Variants in TRPM3 observed in about 807,000 individuals in gnomAD.
TRPM3 encodes the protein long transient receptor potential channel 3.
A neutral mutation model predicts 181.2 loss-of-function variants in TRPM3; 77 were observed. That is an observed-to-expected ratio of 0.42 (90% confidence interval 0.35 to 0.51). TRPM3 has a LOEUF of 0.51. TRPM3 is among the 20% of genes least tolerant of loss of function. TRPM3 has a pLI of 0.01. For missense variants in TRPM3, 1,759 were observed against 2,196.7 expected, an observed-to-expected ratio of 0.80 and a Z score of 3.98; for synonymous variants, 745 against 796.4, an observed-to-expected ratio of 0.94 and a Z score of 1.09.
At chr9:71,337,172 C>T (rs1256110185) in intron 1 of TRPM3, among the ~76,000 whole-genome samples, 1 of 151,602 alleles carries the variant, frequency 6.6e-6, no homozygotes, top group Non-Finnish European at 1.5e-5. Context: ...AGGCAACCTA[C>T]AGAATGGAAG....
At chr9:70,597,477 C>T (rs984846518) in intron 21 of TRPM3, among the ~76,000 whole-genome samples, 1 of 152,228 alleles carries the variant, frequency 6.6e-6, no homozygotes, top group Non-Finnish European at 1.5e-5. Flanking sequence ...ACTTAGAAAA[C>T]TGGGAGAACT....
At chr9:70,929,588 G>A (rs1564786112) in intron 1 of TRPM3, among the ~76,000 whole-genome samples, 1 of 152,096 alleles carries the variant, frequency 6.6e-6, no homozygotes, top group Non-Finnish European at 1.5e-5. Context: ...GTTCTGGATA[G>A]TCCTTGAGGA....
At chr9:71,057,915 T>C (rs1004642233) in intron 1 of TRPM3, among the ~76,000 whole-genome samples, 1 of 152,110 alleles carries the variant, frequency 6.6e-6, no homozygotes, top group African/African-American at 2.4e-5. Context: ...TTTTAAAATA[T>C]GCATTCAAAT....
chr9:70,759,284 T>C (rs2077658558), intron 8 of TRPM3, among the ~76,000 whole-genome samples: 1 of 152,298 alleles, frequency 6.6e-6, no homozygotes, highest in Admixed American at 6.5e-5. Flanking sequence ...TACAATGAGA[T>C]AGCATCTCAC....
intron 1 of TRPM3, among the ~76,000 whole-genome samples, chr9:71,027,279 C>T (rs1209161427): frequency 6.6e-6 from 1 of 152,284 alleles, no homozygotes; most frequent in East Asian, 1.9e-4. Flanking sequence ...ATCAAACCCC[C>T]AAGGTCATGG....
rs760858090 is a variant in TRPM3 at position 71,387,893 on chromosome 9, ATTATG to A, written c.183+58755_183+58759del. On this transcript the variant is annotated intron_variant, in intron 1 of 24. Transcript: ENST00000357533. ...AGATGCATACGTATATAACTTTTCT[ATTATG>A]TTATAACATACTTTTCTACTCAATC... 5.9e-5 allele frequency among the ~76,000 whole-genome samples: 9 copies of A among 152,174 alleles called. 1 individual carries two copies. The highest frequency in any genetic ancestry group is 1.2e-4 in the Non-Finnish European group (8 of 68,012).
intron 19 of TRPM3, among the ~76,000 whole-genome samples, chr9:70,605,682 A>T (rs1321425888): frequency 6.6e-6 from 1 of 152,182 alleles, no homozygotes; most frequent in Non-Finnish European, 1.5e-5. Flanking sequence ...TGCAAAAAAC[A>T]AAAAAAGGAC....
chr9:71,125,530 T>C (rs1296237584), upstream of TRPM3, among the ~76,000 whole-genome samples: 1 of 152,178 alleles, frequency 6.6e-6, no homozygotes, highest in Admixed American at 6.5e-5. Context: ...CATAATCTCA[T>C]TCTTTTTATG....
At chr9:71,336,555 C>T (rs1336464832) in intron 1 of TRPM3, among the ~76,000 whole-genome samples, 1 of 152,014 alleles carries the variant, frequency 6.6e-6, no homozygotes, top group Non-Finnish European at 1.5e-5. Flanking sequence ...CAGTGCTATC[C>T]CCATAAAGCT....
At chr9:70,698,692 T>G (rs1428267457) in intron 8 of TRPM3, among the ~76,000 whole-genome samples, 1 of 152,118 alleles carries the variant, frequency 6.6e-6, no homozygotes, top group African/African-American at 2.4e-5. Context: ...GGGAGGTGAT[T>G]GGATCGTGGG....
chr9:71,095,810 A>C (rs1320862127), intron 1 of TRPM3, among the ~76,000 whole-genome samples: 1 of 151,356 alleles, frequency 6.6e-6, no homozygotes, highest in Non-Finnish European at 1.5e-5. Context: ...AGAGAAAGAG[A>C]GAGAGACTGA....
At chr9:70,842,338 A>G (rs1045192446) in intron 5 of TRPM3, among the ~76,000 whole-genome samples, 4 of 152,158 alleles carry the variant, frequency 2.6e-5, no homozygotes, top group African/African-American at 7.2e-5. Flanking sequence ...AAAGGGCAGG[A>G]CAGTGAGCCC....
chr9:71,408,030 T>C (rs563888837), intron 1 of TRPM3, among the ~76,000 whole-genome samples: 4 of 152,168 alleles, frequency 2.6e-5, no homozygotes, highest in African/African-American at 9.6e-5. Context: ...GAAGGAAAAC[T>C]AACAAACAGA....
chr9:71,159,105 T>TAGAGAGAGAGAGAGAG (rs140356660), intron 1 of TRPM3, among the ~76,000 whole-genome samples: 7 of 144,180 alleles, frequency 4.9e-5, no homozygotes, highest in African/African-American at 1.8e-4. Flanking sequence ...TATATATATT[T>TAGAGAGAGAGAGAGAG]AGAGAGAGAG....
chr9:70,969,779 T>TATATATATACAC lies in TRPM3; in HGVS notation c.178-105269_178-105268insGTGTATATATAT, dbSNP rs900528837. Among the ~76,000 whole-genome samples, 4 of 139,842 alleles carry TATATATATACAC rather than the reference T, an allele frequency of 2.9e-5. 1 individual carries two copies. Among genetic ancestry groups the TATATATATACAC allele is most frequent in the African/African-American group, 1.0e-4 (4 of 38,536 alleles). 91.7% of individuals were successfully genotyped at this position (139,842 alleles called of 152,430 possible). ...TTTTATATATATATATATATATATATACACACACACACTAAGAAATTATAT... is the reference window on the plus strand; with the variant it reads ...TTTTATATATATATATATATATATATATATATATACACACACACACACACTAAGAAATTATAT... On this transcript the variant is annotated intron_variant, in intron 1 of 25. Transcript: ENST00000677713.
intron 24 of TRPM3, among the ~76,000 whole-genome samples, chr9:70,551,622 G>T (rs1204265868): frequency 6.6e-6 from 1 of 152,120 alleles, no homozygotes; most frequent in Non-Finnish European, 1.5e-5. Flanking sequence ...GATAAGTGAG[G>T]TTCCTCTTCT....
intron 6 of TRPM3, among the ~76,000 whole-genome samples, chr9:70,797,695 G>A (rs772592177): frequency 4.6e-5 from 7 of 152,162 alleles, no homozygotes; most frequent in Admixed American, 6.6e-5. Flanking sequence ...ACCCTTGGAC[G>A]TTCTCTGCCC....
intron 1 of TRPM3, among the ~76,000 whole-genome samples, chr9:70,879,548 T>A (rs1394450880): frequency 6.6e-6 from 1 of 152,090 alleles, no homozygotes; most frequent in East Asian, 1.9e-4. Flanking sequence ...ATTCTCATGA[T>A]GTTCTCTAAC....
At chr9:71,369,611 C>G (rs2092447500) in intron 1 of TRPM3, among the ~76,000 whole-genome samples, 1 of 152,162 alleles carries the variant, frequency 6.6e-6, no homozygotes, top group Non-Finnish European at 1.5e-5. Context: ...TCAAGCGATT[C>G]TCCTGGGCAT....
Sources: allele counts gnomAD v4.1 joint callset (sites outside exome capture counted in the v4.1 genomes callset), GRCh38; gene constraint gnomAD v4.1.1; transcripts MANE v1.5; gene names NCBI Gene and HGNC (gene_info 2026-07-23, HGNC 2026-07-21).